The following FXYD4 variants were observed in gnomAD, a reference collection of about 807,000 sequenced individuals.
FXYD4 encodes the protein FXYD domain-containing ion transport regulator 4.
In FXYD4, 14 loss-of-function variants were observed where a neutral mutation model predicts 18.3. The observed-to-expected ratio is 0.77, with a 90% CI of 0.51 to 1.20. The LOEUF is 1.20. Among genes scored for constraint, FXYD4 ranks in the 50% most tolerant of loss-of-function variants. FXYD4 has a pLI of 0.00. For synonymous variants in FXYD4, 40 were observed against 40.5 expected (o/e 0.99, Z 0.04); for missense variants, 99 against 106.1 (o/e 0.93, Z 0.29).
chr10:43,374,425 C>T (rs757129574), intron 3 of FXYD4, 45 bp from the exon 4 acceptor site: 1 of 1,599,182 alleles, frequency 6.3e-7, no homozygotes, highest in Admixed American at 1.7e-5. Context: ...ACTTGGACAC[C>T]AGTGTCATGA....
At chr10:43,372,230 C>T (rs563364727) in intron 1 of FXYD4, among the ~76,000 whole-genome samples, 1 of 152,004 alleles carries the variant, frequency 6.6e-6, no homozygotes, top group Admixed American at 6.6e-5. Flanking sequence ...CTAACAGTCT[C>T]TCCCTCCAGT....
intron 7 of FXYD4, 110 bp downstream of exon 7, chr10:43,375,844 TTTG>T (rs1837864933): frequency 1.5e-6 from 2 of 1,308,600 alleles, no homozygotes; most frequent in African/African-American, 1.4e-5. Flanking sequence ...TGCAGCTGGC[TTTG>T]TTATTCAGAT....
In FXYD4 at chr10:43,376,306, T is replaced by C; in HGVS notation, c.*140T>C. On this transcript the variant is annotated 3_prime_UTR_variant, in exon 9 of 9. Transcript: ENST00000476166. ...CCCCTTTCTGATCAGGAGGCTTCTT[T>C]ATGAATTAAACTCGCCCCACCACCC... 1 of 869,802 alleles carries C rather than the reference T, an allele frequency of 1.1e-6. No individual in the cohort carries two copies. The highest frequency in any genetic ancestry group is 1.8e-6 in the Non-Finnish European group (1 of 541,472). The allele number at this position is 869,802 out of a possible 1,614,324, so 53.9% of individuals were successfully genotyped here. A position where few individuals can be genotyped will look rare whatever the true frequency, so the allele number is the denominator to read the frequency against.
chr10:43,372,049 A>T (rs2131947007), intron 1 of FXYD4, among the ~76,000 whole-genome samples: 1 of 151,386 alleles, frequency 6.6e-6, no homozygotes, highest in Admixed American at 6.6e-5. Flanking sequence ...TGTCTCAAAA[A>T]AAAAAAAAAT....
At position 43,373,507 on chromosome 10, in the gene FXYD4, T is replaced by C; in HGVS notation, c.-232-8T>C. The C allele has an allele frequency of 1.7e-6, 1 of 575,858 alleles. No homozygotes were observed. The highest frequency in any genetic ancestry group is 2.8e-5 in the East Asian group (1 of 35,494). The allele number at this position is 575,858 out of a possible 1,614,324, so 35.7% of individuals were successfully genotyped here. A position where few individuals can be genotyped will look rare whatever the true frequency, so the allele number is the denominator to read the frequency against. On this transcript the variant is annotated splice_region_variant and splice_polypyrimidine_tract_variant and intron_variant, in intron 2 of 8. Transcript: ENST00000476166. ...CTTGTGCTTACTCAATCCACACAAC[T>C]CCCCCAGGCCACCACCATCTCTAGA...
At chr10:43,375,855 G>A (rs1837864998) in intron 7 of FXYD4, 121 bp downstream of exon 7, 1 of 1,251,992 alleles carries the variant, frequency 8.0e-7, no homozygotes, top group South Asian at 1.2e-5. Flanking sequence ...TTGTTATTCA[G>A]ATAGTCAACC....
intron 5 of FXYD4, 129 bp downstream of exon 5, chr10:43,374,768 T>A: frequency 1.2e-6 from 1 of 807,886 alleles, no homozygotes; most frequent in Non-Finnish European, 2.2e-6. Context: ...CTGGTCTCTG[T>A]GAGAGCGTCG....
Position 43,374,461 on chromosome 10 carries a change from C to T in FXYD4, c.38-9C>T. On this transcript the variant is annotated splice_polypyrimidine_tract_variant and intron_variant, in intron 3 of 8. Transcript: ENST00000476166. The stretch of plus-strand genomic sequence containing the variant: ...ATTCCCACACATTTTCTCTGCTCCT[C>T]CCACACAGGCCTGACTGCCTTGGAA... 1 of 1,613,836 alleles carries T rather than the reference C, an allele frequency of 6.2e-7. No homozygotes were observed. Among genetic ancestry groups the T allele is most frequent in the Non-Finnish European group, 8.5e-7 (1 of 1,179,788 alleles).
Position 43,376,070 on chromosome 10 carries a change from G to A in FXYD4, c.250+1G>A, listed in dbSNP as rs1300645515. 3 of 1,614,124 alleles carry A rather than the reference G, an allele frequency of 1.9e-6. No homozygotes were observed. Among genetic ancestry groups the A allele is most frequent in the Non-Finnish European group, 2.5e-6 (3 of 1,179,994 alleles). ...AAGGCCATCCCACTCATCACTCCAG[G>A]TGAGACGGGCTTCTGTGGGCTGAGG... On this transcript the variant is annotated splice_donor_variant, in intron 8 of 8. Transcript: ENST00000476166. LOFTEE classifies it high-confidence loss of function.
chr10:43,373,761 CCTGGCCCTTCTCCTA>C lies in FXYD4; in HGVS notation c.21_35del (p.Leu8_Ala12del). The stretch of plus-strand genomic sequence containing the variant: ...CGAACTGTGACATGGAGAGAGTGAC[CCTGGCCCTTCTCCTA>C]CTGGCAGGTGAGTCCTCCCAGTCTC... On this transcript the variant is annotated inframe_deletion, in exon 3 of 9. Coordinates refer to ENST00000476166, the MANE Select transcript of FXYD4 (RefSeq NM_173160.3). 1.2e-6 allele frequency: 2 copies of C among 1,609,868 alleles called. 1 individual carries two copies. Among genetic ancestry groups the C allele is most frequent in the South Asian group, 2.2e-5 (2 of 90,986 alleles).
At chr10:43,374,774 CG>C (rs1837848543) in intron 5 of FXYD4, 135 bp downstream of exon 5, 1 of 788,924 alleles carries the variant, frequency 1.3e-6, no homozygotes, top group Admixed American at 1.8e-5. Context: ...TCTGTGAGAG[CG>C]TCGCTCCAAC....
At chr10:43,375,347 GT>G in intron 5 of FXYD4, 151 bp from the exon 6 acceptor site, 1 of 632,088 alleles carries the variant, frequency 1.6e-6, no homozygotes, top group Non-Finnish European at 2.8e-6. Context: ...TCTTCTTAGT[GT>G]TTCCCCACGA....
intron 6 of FXYD4, 49 bp downstream of exon 6, chr10:43,375,622 C>T: frequency 6.2e-7 from 1 of 1,605,342 alleles, no homozygotes; most frequent in East Asian, 2.2e-5. Context: ...GGCTGGCGGA[C>T]AGGGTGGGGC....
Position 43,376,332 on chromosome 10 carries a change from C to T in FXYD4, c.*166C>T. The T allele has an allele frequency of 7.3e-6, 5 of 682,264 alleles. No individual in the cohort carries two copies. Among genetic ancestry groups the T allele is most frequent in the South Asian group, 3.4e-5 (2 of 58,570 alleles). 42.3% of individuals were successfully genotyped at this position (682,264 alleles called of 1,614,324 possible). A position where few individuals can be genotyped will look rare whatever the true frequency, so the allele number is the denominator to read the frequency against. ...ATGAATTAAACTCGCCCCACCACCC[C>T]CTCCTCGGTAGTCTTGTGATCCATC... On this transcript the variant is annotated 3_prime_UTR_variant, in exon 9 of 9. Transcript: ENST00000476166.
chr10:43,372,429 C>T (rs921978433), intron 1 of FXYD4, among the ~76,000 whole-genome samples: 7 of 152,080 alleles, frequency 4.6e-5, no homozygotes, highest in African/African-American at 9.7e-5. Context: ...GGAATACAGG[C>T]GCCTGTCACC....
At chr10:43,375,969 G>A (rs746809599) in intron 7 of FXYD4, 63 bp from the exon 8 acceptor site, 6 of 1,553,838 alleles carry the variant, frequency 3.9e-6, no homozygotes, top group Non-Finnish European at 5.3e-6. Context: ...CAAGAGTCTG[G>A]GATATAGGGG....
intron 2 of FXYD4, among the ~76,000 whole-genome samples, chr10:43,373,096 G>C (rs1175050340): frequency 2.0e-5 from 3 of 152,040 alleles, no homozygotes; most frequent in African/African-American, 7.2e-5. Flanking sequence ...CCTGGCTGCT[G>C]CAGTCATCTC....
chr10:43,374,763 C>A (rs528072998), intron 5 of FXYD4, 124 bp downstream of exon 5: 7 of 834,446 alleles, frequency 8.4e-6, no homozygotes, highest in Admixed American at 1.7e-5. Flanking sequence ...TAAACCTGGT[C>A]TCTGTGAGAG....
At position 43,376,022 on chromosome 10, in the gene FXYD4, C is replaced by T; in HGVS notation, c.213-10C>T. 2 of 1,614,028 alleles carry T rather than the reference C, an allele frequency of 1.2e-6. No individual in the cohort carries two copies. Among genetic ancestry groups the T allele is most frequent in the Non-Finnish European group, 1.7e-6 (2 of 1,179,892 alleles). On this transcript the variant is annotated splice_polypyrimidine_tract_variant and intron_variant, in intron 7 of 8. Transcript: ENST00000476166. ...AACCTGATACTACTCTGATGTGGTC[C>T]TTTCTCTAGTCCTGTACCTGAGAAG... is the stretch of plus-strand genomic sequence containing the variant.
Sources: allele counts gnomAD v4.1 joint callset (sites outside exome capture counted in the v4.1 genomes callset), GRCh38; gene constraint gnomAD v4.1.1; transcripts MANE v1.5; gene names NCBI Gene and HGNC (gene_info 2026-07-23, HGNC 2026-07-21).